PIBF1: variants seen among roughly 807,000 people sequenced by gnomAD.
PIBF1 encodes the protein progesterone immunomodulatory binding factor 1.
PIBF1 carries 90 observed loss-of-function variants against 112.5 expected under a neutral mutation model. The ratio of observed to expected loss-of-function variants is 0.80; its 90% CI spans 0.67 to 0.95. The LOEUF (loss-of-function observed/expected upper bound fraction) is 0.95, where lower values mean the gene tolerates loss of function less well. PIBF1 is among the 40% of genes least tolerant of loss of function. PIBF1 has a pLI of 0.00. For synonymous variants in PIBF1, 301 were observed against 288.6 expected (o/e 1.04, Z -0.44); for missense variants, 915 against 852.3 (o/e 1.07, Z -0.92).
At chr13:72,907,376 T>C (rs2040737231) in intron 11 of PIBF1, among the ~76,000 whole-genome samples, 1 of 152,066 alleles carries the variant, frequency 6.6e-6, no homozygotes, top group African/African-American at 2.4e-5. Flanking sequence ...TTAGAGAAAA[T>C]AGTTGTCTTT....
chr13:72,935,623 G>T (rs1052788053), intron 14 of PIBF1, among the ~76,000 whole-genome samples: 12 of 152,104 alleles, frequency 7.9e-5, no homozygotes, highest in African/African-American at 2.7e-4. Flanking sequence ...CTGCTAAACT[G>T]TTTCCCAGAT....
chr13:73,011,120 C>A (rs2044191118), intron 17 of PIBF1, among the ~76,000 whole-genome samples: 1 of 152,088 alleles, frequency 6.6e-6, no homozygotes, highest in Admixed American at 6.6e-5. Flanking sequence ...AGCCACCACA[C>A]CCAGCCAACT....
chr13:73,002,461 C>T (rs1443832348), intron 17 of PIBF1, among the ~76,000 whole-genome samples: 1 of 152,144 alleles, frequency 6.6e-6, no homozygotes, highest in Non-Finnish European at 1.5e-5. Flanking sequence ...TCACTTATCT[C>T]TTTCTTAGAA....
At chr13:72,869,911 G>A (rs935936590) in intron 10 of PIBF1, among the ~76,000 whole-genome samples, 2 of 151,916 alleles carry the variant, frequency 1.3e-5, no homozygotes, top group Non-Finnish European at 2.9e-5. Context: ...AAAAAGACTA[G>A]CAATAGTAAT....
chr13:72,895,241 G>A (rs948485255), intron 11 of PIBF1, among the ~76,000 whole-genome samples: 3 of 150,996 alleles, frequency 2.0e-5, no homozygotes, highest in African/African-American at 7.3e-5. Flanking sequence ...ACCTGAATTT[G>A]TTTTTAAAAT....
chr13:72,834,039 A>C (rs1339967361), intron 8 of PIBF1, among the ~76,000 whole-genome samples: 1 of 152,154 alleles, frequency 6.6e-6, no homozygotes, highest in African/African-American at 2.4e-5. Context: ...TTGTGGCATA[A>C]TTTTTTAAAT....
In PIBF1 at chr13:72,893,858, A is replaced by T. The variant is rs1184054364; in HGVS notation, c.1397A>T (p.Glu466Val). ...FLHQSKLKSF[E>V]SERVQLLQEE... is the part of the protein sequence containing the mutation. The stretch of plus-strand genomic sequence containing the variant: ...CATCAAAGTAAATTAAAATCTTTTG[A>T]AAGTGAGCGTGTTCAACTTCTGCAA... Residue 466 changes from glutamate (E) to valine (V), a missense_variant, in exon 11 of 18, where the codon GAA becomes GTA. Glu to Val is a moderately radical substitution (Grantham distance 121, BLOSUM62 -2). Coordinates refer to ENST00000326291, the MANE Select transcript of PIBF1 (RefSeq NM_006346.4). 1 of 1,606,406 alleles carries T rather than the reference A, an allele frequency of 6.2e-7. No homozygotes were observed.
chr13:72,794,194 G>T (rs1332336333), intron 3 of PIBF1, among the ~76,000 whole-genome samples: 1 of 152,168 alleles, frequency 6.6e-6, no homozygotes, highest in African/African-American at 2.4e-5. Context: ...TGGAGGAAAA[G>T]AACTAAGAAT....
intron 11 of PIBF1, among the ~76,000 whole-genome samples, chr13:72,895,237 A>G (rs1306487563): frequency 1.3e-5 from 2 of 151,718 alleles, no homozygotes; most frequent in Admixed American, 1.3e-4. Flanking sequence ...TAAAACCTGA[A>G]TTTGTTTTTA....
intron 4 of PIBF1, among the ~76,000 whole-genome samples, chr13:72,797,056 C>T (rs1340707863): frequency 2.6e-5 from 4 of 152,098 alleles, no homozygotes; most frequent in Non-Finnish European, 4.4e-5. Flanking sequence ...AGATGGAACA[C>T]TTTACTGAGC....
In PIBF1 at chr13:72,881,717, A is replaced by G. The variant is rs1021422776; in HGVS notation, c.1323-12067A>G. Reference sequence around the variant, plus strand: ...AGTGACAGAGCAAGACTCCATCTTGAAAAAAAAAAAAAAAAGTAAAAGATC... The same window carrying G: ...AGTGACAGAGCAAGACTCCATCTTGGAAAAAAAAAAAAAAAGTAAAAGATC... On this transcript the variant is annotated intron_variant, in intron 10 of 17. Transcript: ENST00000326291. 6.3e-5 allele frequency among the ~76,000 whole-genome samples: 8 copies of G among 126,606 alleles called. No individual in the cohort carries two copies. The South Asian group carries it at 1.4e-3, about 23-fold the overall frequency. The allele number at this position is 126,606 out of a possible 152,430, so 83.1% of individuals were successfully genotyped here. A position where few individuals can be genotyped will look rare whatever the true frequency, so the allele number is the denominator to read the frequency against.
intron 14 of PIBF1, among the ~76,000 whole-genome samples, chr13:72,935,273 C>T (rs908468360): frequency 5.3e-5 from 8 of 152,012 alleles, no homozygotes; most frequent in Admixed American, 3.9e-4. Context: ...CGTGAGCAAG[C>T]CTAGCTTGTA....
intron 10 of PIBF1, among the ~76,000 whole-genome samples, chr13:72,887,865 A>G (rs2039917461): frequency 6.6e-6 from 1 of 152,102 alleles, no homozygotes; most frequent in Non-Finnish European, 1.5e-5. Flanking sequence ...AAATATGTAT[A>G]TAATGAGTCA....
intron 5 of PIBF1, among the ~76,000 whole-genome samples, chr13:72,820,079 A>G (rs7989157): frequency 0.31 from 47,488 of 152,036 alleles, 9,000 homozygotes; most frequent in African/African-American, 0.54. Context: ...AGGAAGCATT[A>G]TAACAATATT....
At chr13:72,826,909 T>C (rs1199201672) in intron 6 of PIBF1, 101 bp from the exon 7 acceptor site, 4 of 542,366 alleles carry the variant, frequency 7.4e-6, no homozygotes, top group African/African-American at 5.9e-5. Flanking sequence ...CCATTGCTAG[T>C]GTCTCTATTC....
At chr13:72,963,145 CAG>C (rs2138903473) in intron 14 of PIBF1, among the ~76,000 whole-genome samples, 1 of 152,264 alleles carries the variant, frequency 6.6e-6, no homozygotes, top group Non-Finnish European at 1.5e-5. Flanking sequence ...CAGACTGGAT[CAG>C]AGACCTAAAT....
Position 72,917,095 on chromosome 13 carries a change from T to C in PIBF1, c.1659T>C (p.Ala553=), listed in dbSNP as rs2041129049. Residue 553 remains alanine (A), a synonymous_variant, in exon 13 of 18, where the codon GCT becomes GCC. Coordinates refer to ENST00000326291, the MANE Select transcript of PIBF1 (RefSeq NM_006346.4). Reference sequence around the variant, plus strand: ...TTCCAGTTGAAAATGAAGATGAGGCTGAAAGGGTTCTTTTTTCCTACGGCT... The same window carrying C: ...TTCCAGTTGAAAATGAAGATGAGGCCGAAAGGGTTCTTTTTTCCTACGGCT... The part of the protein sequence containing the change: ...QTAEIENEDE[A]ERVLFSYGYG... The C allele has an allele frequency of 1.9e-6, 3 of 1,593,456 alleles. No homozygotes were observed. Among genetic ancestry groups the C allele is most frequent in the Non-Finnish European group, 2.6e-6 (3 of 1,169,352 alleles).
chr13:72,961,752 G>A (rs2042613436), intron 14 of PIBF1, among the ~76,000 whole-genome samples: 1 of 152,048 alleles, frequency 6.6e-6, no homozygotes, highest in African/African-American at 2.4e-5. Context: ...TACCAAAGTA[G>A]GAGCTTGCTG....
At chr13:72,991,695 CCT>C (rs1287590779) in intron 16 of PIBF1, among the ~76,000 whole-genome samples, 1 of 151,642 alleles carries the variant, frequency 6.6e-6, no homozygotes, top group Non-Finnish European at 1.5e-5. Context: ...TCAAGACCAG[CCT>C]GGGCAACACA....
Sources: allele counts gnomAD v4.1 joint callset (sites outside exome capture counted in the v4.1 genomes callset), GRCh38; gene constraint gnomAD v4.1.1; transcripts MANE v1.5; gene names NCBI Gene and HGNC (gene_info 2026-07-23, HGNC 2026-07-21).